The following ABCD2 variants were observed in gnomAD, a reference collection of about 807,000 sequenced individuals.
The protein encoded by ABCD2 is ATP-binding cassette sub-family D member 2.
In ABCD2, 36 loss-of-function variants were observed where a neutral mutation model predicts 70.9. The ratio of observed to expected loss-of-function variants is 0.51; its 90% CI spans 0.39 to 0.67. The LOEUF (loss-of-function observed/expected upper bound fraction) is 0.67, where lower values mean the gene tolerates loss of function less well. Ranked by LOEUF, ABCD2 falls within the 30% of genes least tolerant of loss-of-function variation. The pLI is 0.00. For synonymous variants in ABCD2, 304 were observed against 306.9 expected (o/e 0.99, Z 0.10); for missense variants, 729 against 890.2 (o/e 0.82, Z 2.30).
At chr12:39,597,270 C>A (rs934222312) in intron 6 of ABCD2, among the ~76,000 whole-genome samples, 1 of 152,196 alleles carries the variant, frequency 6.6e-6, no homozygotes, top group Admixed American at 6.5e-5. Context: ...CTACCCCCAA[C>A]TCCCACTAAA....
chr12:39,548,908 A>G (rs922300676), downstream of ABCD2, among the ~76,000 whole-genome samples: 6 of 152,004 alleles, frequency 3.9e-5, no homozygotes, highest in Non-Finnish European at 7.4e-5. Context: ...AAGTACTGAG[A>G]CAAATTATGT....
intron 9 of ABCD2, among the ~76,000 whole-genome samples, chr12:39,564,724 T>C (rs1941316585): frequency 6.6e-6 from 1 of 152,122 alleles, no homozygotes; most frequent in Non-Finnish European, 1.5e-5. Context: ...TCCTGAATGG[T>C]ATTGCCTAGG....
intron 9 of ABCD2, among the ~76,000 whole-genome samples, chr12:39,560,115 C>T (rs529018402): frequency 4.1e-4 from 63 of 152,294 alleles, no homozygotes; most frequent in Non-Finnish European, 7.2e-4. Flanking sequence ...CACCCATTAA[C>T]TCATCATTTA....
chr12:39,611,917 A>T (rs958580488), intron 2 of ABCD2, among the ~76,000 whole-genome samples: 2 of 152,152 alleles, frequency 1.3e-5, no homozygotes, highest in African/African-American at 4.8e-5. Flanking sequence ...TGATAAACCA[A>T]TGTAAAAATG....
At chr12:39,532,530 T>G in the ABCD2 span, among the ~76,000 whole-genome samples, 1 of 152,302 alleles carries the variant, frequency 6.6e-6, no homozygotes, top group South Asian at 2.1e-4. Flanking sequence ...GCTACGATCT[T>G]TTTGGAAGAA....
intron 2 of ABCD2, among the ~76,000 whole-genome samples, chr12:39,615,034 T>C (rs143781828): frequency 6.7e-6 from 1 of 149,854 alleles, no homozygotes; most frequent in African/African-American, 2.4e-5. Flanking sequence ...TAATTTAATA[T>C]GGTATTTTCA....
chr12:39,619,503 G>A lies in ABCD2; in HGVS notation c.113C>T (p.Pro38Leu), dbSNP rs1362852198. The A allele has an allele frequency of 1.9e-6, 3 of 1,612,736 alleles. No homozygotes were observed. Residue 38 changes from proline to leucine, a missense_variant, in exon 1 of 10, where the codon CCC (proline) becomes CTC (leucine). Physicochemically the swap from Pro to Leu is moderately conservative, Grantham distance 98. Transcript: ENST00000308666. ...AAAYALKTLY[P>L]IIGKRLKQSG... ...TTGCTTTAAACGCTTGCCAATGATG[G>A]GATAGAGGGTTTTCAGAGCATATGC...
intron 9 of ABCD2, among the ~76,000 whole-genome samples, chr12:39,570,605 G>A (rs1159159445): frequency 6.6e-6 from 1 of 152,102 alleles, no homozygotes; most frequent in Non-Finnish European, 1.5e-5. Flanking sequence ...AGACTTCAAT[G>A]CAAGACCTGA....
chr12:39,599,165 C>T (rs774360575), intron 6 of ABCD2, among the ~76,000 whole-genome samples: 6 of 152,184 alleles, frequency 3.9e-5, no homozygotes, highest in Non-Finnish European at 8.8e-5. Context: ...AGTATCTCTG[C>T]AGGCAAAGGC....
chr12:39,535,799 CT>C, the ABCD2 span, among the ~76,000 whole-genome samples: 4 of 152,110 alleles, frequency 2.6e-5, no homozygotes, highest in African/African-American at 4.8e-5. Context: ...GAAAAGTAGC[CT>C]TAAGTAAATA....
At chr12:39,598,103 T>C (rs1051443440) in intron 6 of ABCD2, among the ~76,000 whole-genome samples, 1 of 152,210 alleles carries the variant, frequency 6.6e-6, no homozygotes, top group Non-Finnish European at 1.5e-5. Flanking sequence ...GTGGTTCACT[T>C]CTTTCTTCCG....
intron 6 of ABCD2, among the ~76,000 whole-genome samples, chr12:39,589,388 T>G (rs1033258929): frequency 6.8e-6 from 1 of 147,908 alleles, no homozygotes; most frequent in Non-Finnish European, 1.5e-5. Context: ...GTCTGGGTTT[T>G]TTTTTTTTTT....
At chr12:39,576,448 C>A (rs948358142) in intron 8 of ABCD2, among the ~76,000 whole-genome samples, 1 of 152,060 alleles carries the variant, frequency 6.6e-6, no homozygotes, top group Non-Finnish European at 1.5e-5. Flanking sequence ...CGTGATCCAC[C>A]GCGCCCGGGA....
chr12:39,594,965 G>A (rs1025120525), intron 6 of ABCD2, among the ~76,000 whole-genome samples: 9 of 151,910 alleles, frequency 5.9e-5, no homozygotes, highest in South Asian at 4.2e-4. Flanking sequence ...AAAATTAGCC[G>A]TGCATGGTGG....
At chr12:39,607,849 C>G in intron 2 of ABCD2, 135 bp from the exon 3 acceptor site, 1 of 652,934 alleles carries the variant, frequency 1.5e-6, no homozygotes, top group Non-Finnish European at 2.6e-6. Context: ...TAGCAATTTT[C>G]TAGAAATATA....
chr12:39,539,351 AT>A, the ABCD2 span, among the ~76,000 whole-genome samples: 3 of 152,226 alleles, frequency 2.0e-5, no homozygotes, highest in Non-Finnish European at 4.4e-5. Context: ...GAAACAGAAC[AT>A]GTCCTAATTA....
the ABCD2 span, among the ~76,000 whole-genome samples, chr12:39,531,641 A>G: frequency 2.6e-5 from 4 of 152,226 alleles, no homozygotes; most frequent in Non-Finnish European, 5.9e-5. Context: ...TTTTATGTAC[A>G]TCTTCATTCC....
chr12:39,619,207 C>T lies in ABCD2; in HGVS notation c.409G>A (p.Glu137Lys), dbSNP rs1388887587. The T allele has an allele frequency of 2.5e-6, 4 of 1,614,004 alleles. No individual in the cohort carries two copies. The highest frequency in any genetic ancestry group is 8.5e-7 in the Non-Finnish European group (1 of 1,180,034). ...LDGKIVKSIVEKKPRTFIIKL... is the reference protein window; with the variant it reads ...LDGKIVKSIVKKKPRTFIIKL... ...ATGATGAAAGTCCGAGGCTTCTTTT[C>T]CACAATGCTTTTCACGATTTTTCCA... The change falls in exon 1 of 10, where the codon GAA becomes AAA. Residue 137 changes from glutamate to lysine, a missense_variant. Coordinates refer to ENST00000308666, the MANE Select transcript of ABCD2 (RefSeq NM_005164.4).
intron 9 of ABCD2, among the ~76,000 whole-genome samples, chr12:39,556,272 G>C (rs1941163820): frequency 6.6e-6 from 1 of 152,108 alleles, no homozygotes; most frequent in South Asian, 2.1e-4. Flanking sequence ...TTTAAAGTAA[G>C]CTTAATGAAT....
Sources: gnomAD v4.1 joint callset for allele counts (sites outside exome capture counted in the v4.1 genomes callset) on GRCh38, gnomAD v4.1.1 for gene constraint, MANE v1.5 for transcripts, NCBI Gene and HGNC (gene_info 2026-07-23, HGNC 2026-07-21) for gene names.